Variants in DSCAM observed in about 807,000 individuals in gnomAD.
DSCAM encodes cell adhesion molecule DSCAM.
In DSCAM, 47 loss-of-function variants were observed where a neutral mutation model predicts 217.7. The ratio of observed to expected loss-of-function variants is 0.22; its 90% confidence interval spans 0.17 to 0.28. The LOEUF (loss-of-function observed/expected upper bound fraction) is 0.28, where lower values mean the gene tolerates loss of function less well. Among genes scored for constraint, DSCAM ranks in the 10% least tolerant of loss-of-function variants. DSCAM has a pLI of 1.00. For missense variants in DSCAM, 2,080 were observed against 2,618.3 expected, an observed-to-expected ratio of 0.79 and a Z score of 4.49; for synonymous variants, 1,056 against 1,015.3, an observed-to-expected ratio of 1.04 and a Z score of -0.76.
intron 3 of DSCAM, among the ~76,000 whole-genome samples, chr21:40,595,035 C>A (rs540175000): frequency 5.9e-5 from 9 of 152,198 alleles, no homozygotes; most frequent in Non-Finnish European, 1.3e-4. Context: ...CAGCACAGGG[C>A]AGGCCTTCTT....
intron 11 of DSCAM, among the ~76,000 whole-genome samples, chr21:40,202,819 C>A (rs958323373): frequency 6.6e-6 from 1 of 152,184 alleles, no homozygotes; most frequent in Non-Finnish European, 1.5e-5. Flanking sequence ...GGCATGATTC[C>A]ATTGGCTTGC....
chr21:40,417,925 A>C (rs750618416), intron 3 of DSCAM, among the ~76,000 whole-genome samples: 29 of 152,176 alleles, frequency 1.9e-4, no homozygotes, highest in Non-Finnish European at 4.0e-4. Context: ...GGGGAAGGTG[A>C]GGCTCCAAAT....
rs761069350 is a variant in DSCAM, at chr21:40,093,745, T to G, written c.3826A>C (p.Ile1276Leu). Residue 1276 changes from isoleucine to leucine, a missense_variant, in exon 21 of 33, where the codon ATC (isoleucine) becomes CTC (leucine). Ile to Leu is a conservative substitution (Grantham distance 5). This residue lies in a region of DSCAM where 1,144 missense variants were observed against 1,421.1 expected (regional missense o/e 0.81). Coordinates refer to ENST00000400454, the MANE Select transcript of DSCAM (RefSeq NM_001389.5). ...CCTTTTGCTAGTGGCTCGACTGTGA[T>G]GATTTCACTGCTGTTGCCTCTTCCG... ...SAGRGNSSEIITVEPLAKAPA... is the reference protein window; with the variant it reads ...SAGRGNSSEILTVEPLAKAPA... 6.2e-7 allele frequency: 1 copy of G among 1,613,752 alleles called. No individual in the cohort carries two copies. Among genetic ancestry groups the G allele is most frequent in the African/African-American group, 1.3e-5 (1 of 74,906 alleles).
intron 1 of DSCAM, among the ~76,000 whole-genome samples, chr21:40,806,139 C>A (rs1386413233): frequency 6.6e-6 from 1 of 152,198 alleles, no homozygotes; most frequent in Non-Finnish European, 1.5e-5. Flanking sequence ...ATTTACTATC[C>A]CTGGAAGCCT....
intron 3 of DSCAM, among the ~76,000 whole-genome samples, chr21:40,494,661 A>G (rs1378184056): frequency 2.0e-5 from 3 of 152,104 alleles, no homozygotes; most frequent in African/African-American, 7.2e-5. Flanking sequence ...TTAAAAAAAA[A>G]AGATGATTTC....
chr21:40,815,021 A>G (rs2091868814), intron 1 of DSCAM, among the ~76,000 whole-genome samples: 1 of 152,190 alleles, frequency 6.6e-6, no homozygotes, highest in Non-Finnish European at 1.5e-5. Flanking sequence ...AAATTTTCTA[A>G]GCATGATTTG....
chr21:40,654,455 C>G (rs966877220), intron 3 of DSCAM, among the ~76,000 whole-genome samples: 1 of 152,194 alleles, frequency 6.6e-6, no homozygotes, highest in African/African-American at 2.4e-5. Flanking sequence ...ATTTTTACAG[C>G]TGCGGTAACA....
intron 32 of DSCAM, among the ~76,000 whole-genome samples, chr21:40,020,802 TCA>T (rs1048117936): frequency 2.1e-4 from 32 of 152,122 alleles, no homozygotes; most frequent in African/African-American, 6.5e-4. Flanking sequence ...ATACAAAGGC[TCA>T]CAGAGTCCTG....
intron 3 of DSCAM, among the ~76,000 whole-genome samples, chr21:40,633,185 C>G (rs144530056): frequency 6.6e-6 from 1 of 152,318 alleles, no homozygotes; most frequent in Non-Finnish European, 1.5e-5. Context: ...TTACTTTCAT[C>G]GATTCCAACC....
At chr21:40,040,648 G>A (rs545545417) in intron 32 of DSCAM, among the ~76,000 whole-genome samples, 2 of 152,312 alleles carry the variant, frequency 1.3e-5, no homozygotes, top group African/African-American at 4.8e-5. Context: ...TAGCAACCCA[G>A]TGCCAGAAAC....
chr21:40,070,359 A>T (rs986848452), intron 27 of DSCAM, among the ~76,000 whole-genome samples: 1 of 89,136 alleles, frequency 1.1e-5, no homozygotes, highest in Non-Finnish European at 2.1e-5. Flanking sequence ...GAGGGAGGGA[A>T]GGAGGGAGGG....
At chr21:40,181,438 G>A (rs1276437909) in intron 14 of DSCAM, among the ~76,000 whole-genome samples, 6 of 152,140 alleles carry the variant, frequency 3.9e-5, no homozygotes, top group African/African-American at 1.2e-4. Flanking sequence ...TCATTCCGAT[G>A]TATAGTTTGG....
chr21:40,516,166 T>C (rs986459300), intron 3 of DSCAM, among the ~76,000 whole-genome samples: 1 of 152,030 alleles, frequency 6.6e-6, no homozygotes, highest in African/African-American at 2.4e-5. Context: ...CCAAGCACTC[T>C]CTCCAAACTG....
intron 11 of DSCAM, among the ~76,000 whole-genome samples, chr21:40,274,314 C>G (rs1601507587): frequency 6.6e-6 from 1 of 152,168 alleles, no homozygotes; most frequent in African/African-American, 2.4e-5. Context: ...CTGAATGTCA[C>G]AGACATGATC....
chr21:40,804,540 C>A (rs1004540077), intron 1 of DSCAM, among the ~76,000 whole-genome samples: 2 of 152,100 alleles, frequency 1.3e-5, no homozygotes, highest in East Asian at 3.9e-4. Flanking sequence ...CCCAGCACAC[C>A]TTCCTGGAGA....
chr21:40,362,814 G>T (rs1051965699), intron 4 of DSCAM, among the ~76,000 whole-genome samples: 2 of 151,922 alleles, frequency 1.3e-5, no homozygotes, highest in African/African-American at 4.8e-5. Flanking sequence ...ATATATGCAG[G>T]TGTGCATATG....
At chr21:40,273,128 T>A (rs2073641562) in intron 11 of DSCAM, among the ~76,000 whole-genome samples, 1 of 152,194 alleles carries the variant, frequency 6.6e-6, no homozygotes, top group African/African-American at 2.4e-5. Flanking sequence ...GCCATCAATA[T>A]ACATTTTCTC....
intron 1 of DSCAM, among the ~76,000 whole-genome samples, chr21:40,836,626 C>G (rs1477940151): frequency 6.6e-6 from 1 of 152,228 alleles, no homozygotes; most frequent in Non-Finnish European, 1.5e-5. Context: ...TTTACTGGAT[C>G]AACTTCCTAG....
At chr21:40,661,944 G>A (rs561069060) in intron 3 of DSCAM, among the ~76,000 whole-genome samples, 102 of 152,242 alleles carry the variant, frequency 6.7e-4, no homozygotes, top group Non-Finnish European at 1.3e-3. Context: ...CTAAAATTGA[G>A]ATTTTTATGA....
Sources: allele counts gnomAD v4.1 joint callset (sites outside exome capture counted in the v4.1 genomes callset), GRCh38; gene constraint gnomAD v4.1.1; regional missense constraint gnomAD v4.1.1; transcripts MANE v1.5; gene names NCBI Gene and HGNC (gene_info 2026-07-23, HGNC 2026-07-21).